The following SH3KBP1 variants were observed in gnomAD, a reference collection of about 807,000 sequenced individuals.
SH3KBP1 encodes the protein SH3 domain-containing kinase-binding protein 1.
SH3KBP1 carries 8 observed loss-of-function variants against 50.1 expected under a neutral mutation model. That is an observed-to-expected ratio of 0.16 (90% CI 0.09 to 0.29). The LOEUF (loss-of-function observed/expected upper bound fraction) is 0.29, where lower values mean the gene tolerates loss of function less well. SH3KBP1 is among the 10% of genes least tolerant of loss of function. The pLI, the probability that SH3KBP1 is intolerant of heterozygous loss-of-function variation, is 1.00. For synonymous variants in SH3KBP1, 227 were observed against 218.6 expected (o/e 1.04, Z -0.34); for missense variants, 377 against 535.2 (o/e 0.70, Z 2.92).
intron 8 of SH3KBP1, among the ~76,000 whole-genome samples, chrX:19,630,577 G>A (rs2061553381): frequency 1.8e-5 from 2 of 111,620 alleles, no homozygotes; most frequent in Admixed American, 9.5e-5. Flanking sequence ...ATAACTTCAG[G>A]GGAGAATACT....
chrX:19,626,306 C>A (rs1421566556), intron 8 of SH3KBP1, among the ~76,000 whole-genome samples: 1 of 111,412 alleles, frequency 9.0e-6, no homozygotes, highest in Non-Finnish European at 1.9e-5. Context: ...AGCAAAATTC[C>A]TGGTTTGAAT....
At chrX:19,764,473 T>C (rs912839088) in intron 2 of SH3KBP1, among the ~76,000 whole-genome samples, 1 of 110,820 alleles carries the variant, frequency 9.0e-6, no homozygotes, top group Non-Finnish European at 1.9e-5. Flanking sequence ...CTGACTCTAC[T>C]CCATCATGGG....
intron 4 of SH3KBP1, among the ~76,000 whole-genome samples, chrX:19,700,641 A>C (rs751585904): frequency 6.2e-5 from 7 of 112,456 alleles, no homozygotes; most frequent in African/African-American, 9.7e-5. Flanking sequence ...ATTTCTGGTA[A>C]ACATGTTTTT....
At chrX:19,691,270 C>T (rs1671457795) in intron 5 of SH3KBP1, among the ~76,000 whole-genome samples, 1 of 105,651 alleles carries the variant, frequency 9.5e-6, no homozygotes, top group Non-Finnish European at 1.9e-5. Flanking sequence ...CCATCACCAC[C>T]TAGGTGGCAG....
At chrX:19,701,183 T>G (rs2063527527) in intron 4 of SH3KBP1, among the ~76,000 whole-genome samples, 1 of 111,472 alleles carries the variant, frequency 9.0e-6, no homozygotes, top group Admixed American at 9.5e-5. Context: ...AGTCCAATAC[T>G]AAGGTCTTTC....
intron 2 of SH3KBP1, among the ~76,000 whole-genome samples, chrX:19,812,221 T>C (rs1228682041): frequency 1.8e-5 from 2 of 111,357 alleles, no homozygotes; most frequent in African/African-American, 3.3e-5. Context: ...ACGAGCAAAA[T>C]AGACAGCTAA....
intron 5 of SH3KBP1, among the ~76,000 whole-genome samples, chrX:19,694,082 T>C (rs1011127237): frequency 8.9e-6 from 1 of 112,462 alleles, no homozygotes; most frequent in African/African-American, 3.2e-5. Context: ...CTACCATTTA[T>C]TATGGGTCTG....
intron 2 of SH3KBP1, among the ~76,000 whole-genome samples, chrX:19,818,699 C>T (rs1792244497): frequency 8.9e-6 from 1 of 111,804 alleles, no homozygotes; most frequent in African/African-American, 3.3e-5. Flanking sequence ...TCTCCCATAG[C>T]GTGTTGATAT....
intron 3 of SH3KBP1, among the ~76,000 whole-genome samples, chrX:19,742,622 G>C (rs2064803407): frequency 9.0e-6 from 1 of 111,340 alleles, no homozygotes; most frequent in Admixed American, 9.6e-5. Flanking sequence ...GCCCAGGCTG[G>C]AGTGGCACAA....
intron 2 of SH3KBP1, among the ~76,000 whole-genome samples, chrX:19,760,041 C>CTCCCT (rs1472663912): frequency 2.0e-5 from 1 of 50,459 alleles, no homozygotes; most frequent in Non-Finnish European, 3.6e-5. Flanking sequence ...TCTCTCTCTC[C>CTCCCT]CTCTCTCTCT....
intron 2 of SH3KBP1, chrX:19,799,626 C>CTACT (rs768573225): frequency 1.8e-5 from 22 of 1,204,679 alleles, no homozygotes; most frequent in Non-Finnish European, 2.5e-5. Context: ...GATGTATGGC[C>CTACT]TACTTACAAT....
intron 2 of SH3KBP1, among the ~76,000 whole-genome samples, chrX:19,774,390 C>T (rs1456928622): frequency 9.0e-6 from 1 of 110,716 alleles, no homozygotes; most frequent in African/African-American, 3.3e-5. Flanking sequence ...AAACCTAAGC[C>T]GCCGGGCGCG....
chrX:19,599,962 C>T (rs1602616567), intron 9 of SH3KBP1, among the ~76,000 whole-genome samples: 2 of 109,224 alleles, frequency 1.8e-5, no homozygotes, highest in East Asian at 2.9e-4. Context: ...GGTGAAACGC[C>T]GTCTCTACTA....
chrX:19,621,161 G>A (rs1176615789), intron 8 of SH3KBP1, among the ~76,000 whole-genome samples: 4 of 99,180 alleles, frequency 4.0e-5, no homozygotes, highest in Non-Finnish European at 8.0e-5. Context: ...TGCAAGCTCC[G>A]CCTTCTGGGT....
At chrX:19,764,014 CAAAA>C (rs761696272) in intron 2 of SH3KBP1, among the ~76,000 whole-genome samples, 1 of 37,519 alleles carries the variant, frequency 2.7e-5, no homozygotes, top group Non-Finnish European at 5.1e-5. Context: ...GACTCTGTCT[CAAAA>C]AAAAAAAAAA....
At chrX:19,625,411 C>T (rs924572644) in intron 8 of SH3KBP1, among the ~76,000 whole-genome samples, 3 of 110,752 alleles carry the variant, frequency 2.7e-5, no homozygotes, top group Non-Finnish European at 5.7e-5. Flanking sequence ...GCAAAATACT[C>T]TGGGCATGGG....
At chrX:19,735,732 G>GC (rs1556319846) in intron 3 of SH3KBP1, among the ~76,000 whole-genome samples, 7 of 72,060 alleles carry the variant, frequency 9.7e-5, no homozygotes, top group Non-Finnish European at 1.9e-4. Context: ...GGCGGGGGGG[G>GC]GGGGTGGGGG....
intron 6 of SH3KBP1, among the ~76,000 whole-genome samples, chrX:19,653,478 C>T (rs752306140): frequency 7.3e-5 from 8 of 110,142 alleles, no homozygotes; most frequent in Non-Finnish European, 1.1e-4. Context: ...TTTGGGAGGC[C>T]GAGGCAGGCG....
chrX:19,736,293 C>T (rs1386687187), intron 3 of SH3KBP1, among the ~76,000 whole-genome samples: 2 of 111,780 alleles, frequency 1.8e-5, no homozygotes, highest in Admixed American at 1.9e-4. Context: ...CACAATTGCC[C>T]TGAAGGAATT....
Sources: gnomAD v4.1 joint callset for allele counts (sites outside exome capture counted in the v4.1 genomes callset) on GRCh38, gnomAD v4.1.1 for gene constraint, MANE v1.5 for transcripts, NCBI Gene and HGNC (gene_info 2026-07-23, HGNC 2026-07-21) for gene names.